The following GPR61 variants were observed in gnomAD, a reference collection of about 807,000 sequenced individuals.
GPR61 encodes the protein G-protein coupled receptor 61.
In GPR61, 15 loss-of-function variants were observed where a neutral mutation model predicts 29.2. The ratio of observed to expected loss-of-function variants is 0.51; its 90% confidence interval spans 0.34 to 0.79. GPR61 has a LOEUF of 0.79. Among genes scored for constraint, GPR61 ranks in the 30% least tolerant of loss-of-function variants. The pLI, the probability that GPR61 is intolerant of heterozygous loss-of-function variation, is 0.01. For synonymous variants in GPR61, 238 were observed against 242.3 expected, an observed-to-expected ratio of 0.98 and a Z score of 0.17; for missense variants, 399 against 582.5, an observed-to-expected ratio of 0.69 and a Z score of 3.24.
Position 109,545,279 on chromosome 1 carries a change from G to A in GPR61, c.*901G>A, listed in dbSNP as rs1344135593. 1.3e-5 allele frequency: 2 copies of A among 152,326 alleles called. No homozygotes were observed. The highest frequency in any genetic ancestry group is 4.8e-5 in the African/African-American group (2 of 41,574). 9.4% of individuals were successfully genotyped at this position (152,326 alleles called of 1,614,324 possible). On this transcript the variant is annotated 3_prime_UTR_variant, in exon 2 of 2. Transcript: ENST00000527748. Reference sequence around the variant, plus strand: ...AACAGAGAGGCCAGGTAATCAGCCTGATCAATAATACTGCGAATCTTTTCT... The same window carrying A: ...AACAGAGAGGCCAGGTAATCAGCCTAATCAATAATACTGCGAATCTTTTCT...
Position 109,542,723 on chromosome 1 carries a change from A to G in GPR61, c.-300A>G, listed in dbSNP as rs905710591. The G allele has an allele frequency of 3.3e-6, 2 of 608,486 alleles. No individual in the cohort carries two copies. Among genetic ancestry groups the G allele is most frequent in the East Asian group, 3.5e-5 (1 of 28,186 alleles). 37.7% of individuals were successfully genotyped at this position (608,486 alleles called of 1,614,324 possible). On this transcript the variant is annotated 5_prime_UTR_variant, in exon 2 of 2. Transcript: ENST00000527748. ...GATGGAAAAGGAAGAGGTGAAGGCC[A>G]TTCCGAAAGCGGAGTGTTGAGTGGG...
At position 109,543,886 on chromosome 1, in the gene GPR61, T is replaced by G; in HGVS notation, c.864T>G (p.Val288=). 6.2e-7 allele frequency: 1 copy of G among 1,613,592 alleles called. No homozygotes were observed. The highest frequency in any genetic ancestry group is 8.5e-7 in the Non-Finnish European group (1 of 1,180,038). Residue 288 remains valine, a synonymous_variant, in exon 2 of 2, where the codon GTT becomes GTG. Transcript: ENST00000527748. The surrounding 1 kb of genome is among the most constrained non-coding windows in gnomAD (Gnocchi z 6.8). ...TTGGGGGAGGGAAAGCAGCAGTGGT[T>G]CTCCTGGCTGTGGGGGGACAGTTCC... The part of the protein sequence containing the change: ...RTFGGGKAAV[V]LLAVGGQFLL...
chr1:109,543,769 G>A lies in GPR61; in HGVS notation c.747G>A (p.Met249Ile). ...AGCACGGGCCGCTGCCCACGTGGAT[G>A]GAGACACCCCGGCAACGCTCCGAAT... ...AMQHGPLPTW[M>I]ETPRQRSESL... The change falls in exon 2 of 2, where the codon ATG becomes ATA. Residue 249 changes from methionine to isoleucine, a missense_variant. Met to Ile is a conservative substitution (Grantham distance 10, BLOSUM62 1). Transcript: ENST00000527748. The surrounding 1 kb of genome is among the most constrained non-coding windows in gnomAD (Gnocchi z 6.8). The A allele has an allele frequency of 1.2e-6, 2 of 1,613,386 alleles. No homozygotes were observed. The highest frequency in any genetic ancestry group is 1.3e-5 in the African/African-American group (1 of 75,070).
At position 109,542,671 on chromosome 1, in the gene GPR61, T is replaced by C. The variant is rs1647670922; in HGVS notation, c.-352T>C. 2.0e-6 allele frequency: 1 copy of C among 501,978 alleles called. No individual in the cohort carries two copies. Among genetic ancestry groups the C allele is most frequent in the African/African-American group, 1.9e-5 (1 of 51,810 alleles). 31.1% of individuals were successfully genotyped at this position (501,978 alleles called of 1,614,324 possible). ...AACAGTTCTGGAAAGGGTAGAAGGG[T>C]ATGGAGAACAAGAATGGCAGAAAGG... On this transcript the variant is annotated 5_prime_UTR_variant, in exon 2 of 2. Coordinates refer to ENST00000527748, the MANE Select transcript of GPR61 (RefSeq NM_001393907.1).
chr1:109,541,161 C>G (rs111743338), intron 1 of GPR61, among the ~76,000 whole-genome samples: 3,202 of 152,252 alleles, frequency 0.021, 138 homozygotes, highest in African/African-American at 0.072. Context: ...CTTTTGTGCC[C>G]GCTCTTCAAC....
rs1647765451 is a variant in GPR61 at position 109,545,252 on chromosome 1, G to C, written c.*874G>C. ...AGCATTTGAATTGGTAAAGTAGCTG[G>C]AAACAGAGAGGCCAGGTAATCAGCC... is the stretch of plus-strand genomic sequence containing the variant. On this transcript the variant is annotated 3_prime_UTR_variant, in exon 2 of 2. Transcript: ENST00000527748. 1.3e-5 allele frequency: 2 copies of C among 152,206 alleles called. No homozygotes were observed. 9.4% of individuals were successfully genotyped at this position (152,206 alleles called of 1,614,324 possible). A position where few individuals can be genotyped will look rare whatever the true frequency, so the allele number is the denominator to read the frequency against.
Position 109,544,587 on chromosome 1 carries a change from G to C in GPR61, c.*209G>C, listed in dbSNP as rs1356539550. ...ACTTGGCTGTGATCTTTGACTGCTA[G>C]GGGAGGGAACCTGGGTATGGTGAGA... On this transcript the variant is annotated 3_prime_UTR_variant, in exon 2 of 2. Transcript: ENST00000527748. The surrounding 1 kb of genome is among the most constrained non-coding windows in gnomAD (Gnocchi z 4.6). 5.4e-6 allele frequency: 3 copies of C among 555,134 alleles called. No homozygotes were observed. In the East Asian group the frequency reaches 8.7e-5, roughly 16 times the overall value. 34.4% of individuals were successfully genotyped at this position (555,134 alleles called of 1,614,324 possible). A position where few individuals can be genotyped will look rare whatever the true frequency, so the allele number is the denominator to read the frequency against.
chr1:109,544,039 C>T lies in GPR61; in HGVS notation c.1017C>T (p.Phe339=), dbSNP rs1347321715. 1.2e-6 allele frequency: 2 copies of T among 1,614,106 alleles called. No homozygotes were observed. The highest frequency in any genetic ancestry group is 1.7e-6 in the Non-Finnish European group (2 of 1,180,046). The change falls in exon 2 of 2, where the codon TTC becomes TTT. Residue 339 remains phenylalanine (F), a synonymous_variant. Coordinates refer to ENST00000527748, the MANE Select transcript of GPR61 (RefSeq NM_001393907.1). The surrounding 1 kb of genome is among the most constrained non-coding windows in gnomAD (Gnocchi z 4.6). ...ACTTTTGCTTCACTTCCAACCCTTT[C>T]TTCTATGGATGTCTCAACCGGCAGA... The part of the protein sequence containing the change: ...IGYFCFTSNP[F]FYGCLNRQIR...
chr1:109,543,889 C>T lies in GPR61; in HGVS notation c.867C>T (p.Leu289=), dbSNP rs1166315612. The change falls in exon 2 of 2, where the codon CTC becomes CTT. Residue 289 remains leucine (L), a synonymous_variant. Transcript: ENST00000527748. This position sits in a 1 kb window ranked among gnomAD's most constrained non-coding sequence, Gnocchi z 6.8. The part of the protein sequence containing the change: ...TFGGGKAAVV[L]LAVGGQFLLC... ...GGGGAGGGAAAGCAGCAGTGGTTCT[C>T]CTGGCTGTGGGGGGACAGTTCCTGC... is the stretch of plus-strand genomic sequence containing the variant. 3.1e-6 allele frequency: 5 copies of T among 1,613,518 alleles called. No homozygotes were observed. The highest frequency in any genetic ancestry group is 4.2e-6 in the Non-Finnish European group (5 of 1,180,048).
At position 109,547,046 on chromosome 1, in the gene GPR61, T is replaced by C. The variant is rs574768876; in HGVS notation, c.*2668T>C. On this transcript the variant is annotated 3_prime_UTR_variant, in exon 2 of 2. Transcript: ENST00000527748. ...CAGGCAATATCCTACGGGGGCATGA[T>C]AGAAAAGGGTAACTCTGGGGTCAGA... 1 of 152,328 alleles carries C rather than the reference T, an allele frequency of 6.6e-6. No individual in the cohort carries two copies. The highest frequency in any genetic ancestry group is 2.4e-5 in the African/African-American group (1 of 41,560). 9.4% of individuals were successfully genotyped at this position (152,328 alleles called of 1,614,324 possible).
intron 1 of GPR61, among the ~76,000 whole-genome samples, chr1:109,540,255 G>A (rs1437652779): frequency 6.6e-6 from 1 of 152,160 alleles, no homozygotes; most frequent in Admixed American, 6.5e-5. Flanking sequence ...CCACATTCTA[G>A]GAATGGGCCC....
intron 1 of GPR61, 85 bp from the exon 2 acceptor site, chr1:109,542,337 G>C (rs1647664856): frequency 1.6e-5 from 4 of 249,596 alleles, no homozygotes; most frequent in Admixed American, 1.4e-4. Flanking sequence ...CAATGCTACT[G>C]CTTGTCATTA....
rs1423574206 is a variant in GPR61 at position 109,543,598 on chromosome 1, C to T, written c.576C>T (p.Pro192=). The T allele has an allele frequency of 6.2e-7, 1 of 1,614,140 alleles. No homozygotes were observed. Among genetic ancestry groups the T allele is most frequent in the South Asian group, 1.1e-5 (1 of 91,080 alleles). The change falls in exon 2 of 2, where the codon CCC becomes CCT. Residue 192 remains proline (P), a synonymous_variant. Transcript: ENST00000527748. The surrounding 1 kb of genome is among the most constrained non-coding windows in gnomAD (Gnocchi z 6.8). The part of the protein sequence containing the change: ...VSWEEGAPSV[P]PGCSLQWSHS... ...GGGAGGAAGGAGCTCCCAGTGTCCCCCCAGGCTGTTCACTCCAGTGGAGCC... is the reference window on the plus strand; with the variant it reads ...GGGAGGAAGGAGCTCCCAGTGTCCCTCCAGGCTGTTCACTCCAGTGGAGCC...
At chr1:109,540,901 A>C (rs1647623226) in intron 1 of GPR61, among the ~76,000 whole-genome samples, 1 of 152,188 alleles carries the variant, frequency 6.6e-6, no homozygotes, top group Admixed American at 6.5e-5. Flanking sequence ...GCTTCGTGGC[A>C]TCCCTCCAGC....
At chr1:109,541,447 A>G (rs1332117043) in intron 1 of GPR61, among the ~76,000 whole-genome samples, 1 of 152,274 alleles carries the variant, frequency 6.6e-6, no homozygotes, top group Non-Finnish European at 1.5e-5. Context: ...CATGCATAGC[A>G]TGTTAGAAGT....
At chr1:109,542,374 A>G in intron 1 of GPR61, 48 bp from the exon 2 acceptor site, 3 of 288,394 alleles carry the variant, frequency 1.0e-5, no homozygotes, top group South Asian at 1.0e-4. Flanking sequence ...ATCACGCAGG[A>G]TCCAGAAACA....
chr1:109,546,257 T>C lies in GPR61; in HGVS notation c.*1879T>C, dbSNP rs748017327. 3.3e-5 allele frequency: 5 copies of C among 152,222 alleles called. No homozygotes were observed. The East Asian group carries it at 5.8e-4, about 18-fold the overall frequency. 9.4% of individuals were successfully genotyped at this position (152,222 alleles called of 1,614,324 possible). The stretch of plus-strand genomic sequence containing the variant: ...GATTATTATACCAGTCTAGTGCCTA[T>C]TACATTGTGGAAGTTCCCTAAAAAC... On this transcript the variant is annotated 3_prime_UTR_variant, in exon 2 of 2. Transcript: ENST00000527748.
chr1:109,543,737 G>T lies in GPR61; in HGVS notation c.715G>T (p.Ala239Ser). Residue 239 changes from alanine to serine, a missense_variant, in exon 2 of 2, where the codon GCC becomes TCC. Coordinates refer to ENST00000527748, the MANE Select transcript of GPR61 (RefSeq NM_001393907.1). This position sits in a 1 kb window ranked among gnomAD's most constrained non-coding sequence, Gnocchi z 6.8. ...CSMFRVARVA[A>S]MQHGPLPTWM... ...CATGTTCCGAGTGGCCCGCGTGGCT[G>T]CCATGCAGCACGGGCCGCTGCCCAC... 2 of 1,613,350 alleles carry T rather than the reference G, an allele frequency of 1.2e-6. No homozygotes were observed. The highest frequency in any genetic ancestry group is 1.7e-6 in the Non-Finnish European group (2 of 1,180,028).
chr1:109,542,727 C>T lies in GPR61; in HGVS notation c.-296C>T. 2 of 615,280 alleles carry T rather than the reference C, an allele frequency of 3.3e-6. No homozygotes were observed. Among genetic ancestry groups the T allele is most frequent in the Non-Finnish European group, 6.1e-6 (2 of 329,204 alleles). 38.1% of individuals were successfully genotyped at this position (615,280 alleles called of 1,614,324 possible). The stretch of plus-strand genomic sequence containing the variant: ...GAAAAGGAAGAGGTGAAGGCCATTC[C>T]GAAAGCGGAGTGTTGAGTGGGTCAG... On this transcript the variant is annotated 5_prime_UTR_variant, in exon 2 of 2. Transcript: ENST00000527748.
Sources: gnomAD v4.1 joint callset for allele counts (sites outside exome capture counted in the v4.1 genomes callset) on GRCh38, gnomAD v4.1.1 for gene constraint, Gnocchi (gnomAD v3.1) non-coding constraint, MANE v1.5 for transcripts, NCBI Gene and HGNC (gene_info 2026-07-23, HGNC 2026-07-21) for gene names.